The following KSR1 variants were observed in gnomAD, a reference collection of about 807,000 sequenced individuals.
KSR1 encodes the protein kinase suppressor of ras 1.
In KSR1, 35 loss-of-function variants were observed where a neutral mutation model predicts 92.9. That is an observed-to-expected ratio of 0.38 (90% CI 0.29 to 0.50). The LOEUF (loss-of-function observed/expected upper bound fraction) is 0.50. KSR1 is among the 20% of genes least tolerant of loss of function. The pLI, the probability that KSR1 is intolerant of heterozygous loss-of-function variation, is 0.94. For synonymous variants in KSR1, 467 were observed against 472.6 expected, an observed-to-expected ratio of 0.99 and a Z score of 0.15; for missense variants, 972 against 1,158.5, an observed-to-expected ratio of 0.84 and a Z score of 2.34.
At chr17:27,578,207 T>G (rs1055974244) in intron 3 of KSR1, 3 of 169,584 alleles carry the variant, frequency 1.8e-5, no homozygotes, top group Non-Finnish European at 3.9e-5. Flanking sequence ...AATGCCTGAC[T>G]TAATGGTCCC....
In KSR1 at chr17:27,484,420, C is replaced by T. The variant is rs145689062; in HGVS notation, c.231+27546C>T. 2.7e-3 allele frequency among the ~76,000 whole-genome samples: 415 copies of T among 152,276 alleles called. 1 individual carries two copies. Among genetic ancestry groups the T allele is most frequent in the African/African-American group, 9.3e-3 (386 of 41,550 alleles). The stretch of plus-strand genomic sequence containing the variant: ...CTAATTTCTATATTTTTGGTAGAGA[C>T]GGAGTTTCACCATGTTGCCCAAGCT... On this transcript the variant is annotated intron_variant, in intron 1 of 20. Transcript: ENST00000644974.
chr17:27,562,093 G>A (rs898489458), intron 2 of KSR1, among the ~76,000 whole-genome samples: 7 of 152,212 alleles, frequency 4.6e-5, no homozygotes, highest in Admixed American at 4.6e-4. Context: ...TGATCTGCCC[G>A]CCATGGCCTC....
In KSR1 at chr17:27,594,374, GCCTCT is replaced by G. The variant is rs1229728057; in HGVS notation, c.1299+1756_1299+1760del. Among the ~76,000 whole-genome samples, 4 of 151,780 alleles carry G rather than the reference GCCTCT, an allele frequency of 2.6e-5. No individual in the cohort carries two copies. The East Asian group carries it at 5.8e-4, about 22-fold the overall frequency. ...TGCCAACAATGTCATAATTGCCCCT[GCCTCT>G]CCTCTCCAGCTACACCAAGCACACC... On this transcript the variant is annotated intron_variant, in intron 9 of 20. Coordinates refer to ENST00000644974, the MANE Select transcript of KSR1 (RefSeq NM_001394583.1).
At chr17:27,478,414 A>G (rs1282943432) in intron 1 of KSR1, among the ~76,000 whole-genome samples, 1 of 152,192 alleles carries the variant, frequency 6.6e-6, no homozygotes, top group Non-Finnish European at 1.5e-5. Flanking sequence ...GGACAATGTC[A>G]TACCTACTGT....
chr17:27,569,329 A>G (rs1277270509), intron 2 of KSR1, among the ~76,000 whole-genome samples: 3 of 152,210 alleles, frequency 2.0e-5, no homozygotes, highest in African/African-American at 7.2e-5. Flanking sequence ...ATTTTCACAC[A>G]GGAGCCTGGT....
At chr17:27,500,327 A>G (rs914625088) in intron 1 of KSR1, among the ~76,000 whole-genome samples, 4 of 152,152 alleles carry the variant, frequency 2.6e-5, no homozygotes, top group African/African-American at 9.7e-5. Context: ...GTTAGAAGTG[A>G]TGTTCCCAAG....
At chr17:27,520,058 A>T (rs9897666) in intron 1 of KSR1, among the ~76,000 whole-genome samples, 34,445 of 152,158 alleles carry the variant, frequency 0.23, 4,127 homozygotes, top group Non-Finnish European at 0.26. Flanking sequence ...AGCTGATGTC[A>T]GGCCCTTTGT....
chr17:27,611,556 C>T lies in KSR1; in HGVS notation c.2420C>T (p.Ser807Phe). The change falls in exon 18 of 21, where the codon TCC becomes TTC. Residue 807 changes from serine (S) to phenylalanine (F), a missense_variant. Ser to Phe is a radical substitution (Grantham distance 155). Around this residue, in one of 5 missense-constraint regions of KSR1, gnomAD observed 260 missense variants for 375.2 expected, o/e 0.69. Transcript: ENST00000644974. ...WPLKNQAAEASIWQIGSGEGM... is the reference protein window; with the variant it reads ...WPLKNQAAEAFIWQIGSGEGM... ...TTGAAGAACCAGGCTGCAGAGGCAT[C>T]CATCTGGCAGATTGGAAGCGGGGAA... 1 of 1,613,874 alleles carries T rather than the reference C, an allele frequency of 6.2e-7. No individual in the cohort carries two copies. The highest frequency in any genetic ancestry group is 8.5e-7 in the Non-Finnish European group (1 of 1,179,792).
chr17:27,566,431 G>C (rs1341546170), intron 2 of KSR1: 1 of 399,190 alleles, frequency 2.5e-6, no homozygotes, highest in African/African-American at 2.1e-5. Flanking sequence ...GGGCTGCCGG[G>C]GACCCTGGGC....
rs770560606 is a variant in KSR1, at chr17:27,550,721, G to T, written c.372+13G>T. 1.3e-6 allele frequency: 1 copy of T among 761,894 alleles called. No individual in the cohort carries two copies. The highest frequency in any genetic ancestry group is 1.3e-5 in the South Asian group (1 of 74,510). The allele number at this position is 761,894 out of a possible 1,614,324, so 47.2% of individuals were successfully genotyped here. A position where few individuals can be genotyped will look rare whatever the true frequency, so the allele number is the denominator to read the frequency against. On this transcript the variant is annotated intron_variant, in intron 2 of 20. Coordinates refer to ENST00000644974, the MANE Select transcript of KSR1 (RefSeq NM_001394583.1). ...GGAGGTGGTGCAGGTATGCAAGCTG[G>T]TTCTCAGCATAGGGATAGGCATGAG...
intron 1 of KSR1, among the ~76,000 whole-genome samples, chr17:27,520,487 C>T (rs767075188): frequency 4.6e-5 from 7 of 152,232 alleles, no homozygotes; most frequent in Non-Finnish European, 1.0e-4. Context: ...AGAAACTCTG[C>T]TTGGTGCGCA....
At chr17:27,535,280 G>A (rs1160503212) in intron 1 of KSR1, among the ~76,000 whole-genome samples, 2 of 152,182 alleles carry the variant, frequency 1.3e-5, no homozygotes, top group East Asian at 1.9e-4. Flanking sequence ...TTGCCAGAGC[G>A]CTCCGTAAAC....
intron 1 of KSR1, 148 bp from the exon 2 acceptor site, chr17:27,550,420 C>T (rs1465560636): frequency 1.5e-6 from 1 of 667,526 alleles, no homozygotes; most frequent in Non-Finnish European, 2.7e-6. Context: ...CACCCTTTCC[C>T]CTCCCCTGCA....
intron 1 of KSR1, among the ~76,000 whole-genome samples, chr17:27,527,842 T>G (rs1448063455): frequency 6.6e-6 from 1 of 152,232 alleles, no homozygotes; most frequent in Non-Finnish European, 1.5e-5. Context: ...ATATATTTCA[T>G]AGTTTAATAT....
chr17:27,555,378 T>C lies in KSR1; in HGVS notation c.372+4670T>C, dbSNP rs999203660. On this transcript the variant is annotated intron_variant, in intron 2 of 20. Transcript: ENST00000644974. ...CAGTATAGGCTCATGTCTTTTTCTT[T>C]TACACATTGGGTTCTAATCCAATAC... Among the ~76,000 whole-genome samples, 97 of 152,258 alleles carry C rather than the reference T, an allele frequency of 6.4e-4. 1 individual carries two copies. Among genetic ancestry groups the C allele is most frequent in the African/African-American group, 1.8e-3 (74 of 41,464 alleles).
chr17:27,486,301 G>A (rs1411710345), intron 1 of KSR1, among the ~76,000 whole-genome samples: 1 of 152,238 alleles, frequency 6.6e-6, no homozygotes, highest in African/African-American at 2.4e-5. Context: ...ACCCACCGTT[G>A]TCTTGGGTCT....
In KSR1 at chr17:27,462,797, T is replaced by G. The variant is rs190339367; in HGVS notation, c.231+5923T>G. Reference sequence around the variant, plus strand: ...TGCCACCTCTCAGAGTTAATTCCAGTGCACATTTTGTTGTATATTCTTCCT... The same window carrying G: ...TGCCACCTCTCAGAGTTAATTCCAGGGCACATTTTGTTGTATATTCTTCCT... On this transcript the variant is annotated intron_variant, in intron 1 of 20. Coordinates refer to ENST00000644974, the MANE Select transcript of KSR1 (RefSeq NM_001394583.1). Among the ~76,000 whole-genome samples, 37 of 152,384 alleles carry G rather than the reference T, an allele frequency of 2.4e-4. No homozygotes were observed. In the East Asian group the frequency reaches 5.0e-3, roughly 21 times the overall value.
intron 1 of KSR1, among the ~76,000 whole-genome samples, chr17:27,544,868 C>T (rs548475141): frequency 6.6e-6 from 1 of 152,360 alleles, no homozygotes; most frequent in South Asian, 2.1e-4. Context: ...TGACTGCAAC[C>T]AACTTTCCAA....
chr17:27,484,961 T>C (rs1260080870), intron 1 of KSR1, among the ~76,000 whole-genome samples: 2 of 152,088 alleles, frequency 1.3e-5, no homozygotes, highest in African/African-American at 2.4e-5. Context: ...CCCCACGGAG[T>C]TGGGGATGGA....
Sources: gnomAD v4.1 joint callset for allele counts (sites outside exome capture counted in the v4.1 genomes callset) on GRCh38, gnomAD v4.1.1 for gene constraint, gnomAD v4.1.1 regional missense constraint, MANE v1.5 for transcripts, NCBI Gene and HGNC (gene_info 2026-07-23, HGNC 2026-07-21) for gene names.